The following ADGRV1 variants were observed in gnomAD, a reference collection of about 807,000 sequenced individuals.
ADGRV1 encodes the protein G-protein coupled receptor 98.
A neutral mutation model predicts 596.2 loss-of-function variants in ADGRV1; 359 were observed. The ratio of observed to expected loss-of-function variants is 0.60; its 90% CI spans 0.55 to 0.66. The LOEUF (loss-of-function observed/expected upper bound fraction) is 0.66, where lower values mean the gene tolerates loss of function less well. Among genes scored for constraint, ADGRV1 ranks in the 30% least tolerant of loss-of-function variants. ADGRV1 has a pLI of 0.00. For synonymous variants in ADGRV1, 2,681 were observed against 2,679.2 expected, an observed-to-expected ratio of 1.00 and a Z score of -0.02; for missense variants, 7,274 against 7,575.6, an observed-to-expected ratio of 0.96 and a Z score of 1.48.
chr5:90,787,960 A>G, intron 67 of ADGRV1, 111 bp from the exon 68 acceptor site: 1 of 655,778 alleles, frequency 1.5e-6, no homozygotes, highest in Non-Finnish European at 2.4e-6. Flanking sequence ...TTATCCTAGA[A>G]TAATTTTCCT....
At position 90,756,629 on chromosome 5, in the gene ADGRV1, G is replaced by C; in HGVS notation, c.11756G>C (p.Arg3919Thr). The part of the protein sequence containing the change: ...PRGIFMFHVT[R>T]GAGEVITAYE... ...GGAATTTTTATGTTTCATGTTACTA[G>C]AGTGAGATGAACTTTCATTTGTTTA... Residue 3919 changes from arginine to threonine, a missense_variant and splice_region_variant, in exon 56 of 90, where the codon AGA becomes ACA. By Grantham distance (71) the Arg-to-Thr change is moderately conservative. This residue lies in a region of ADGRV1 where 3,643 missense variants were observed against 3,809.2 expected (regional missense o/e 0.96). Transcript: ENST00000405460. 6.2e-7 allele frequency: 1 copy of C among 1,611,234 alleles called. No individual in the cohort carries two copies. Among genetic ancestry groups the C allele is most frequent in the Non-Finnish European group, 8.5e-7 (1 of 1,177,608 alleles).
chr5:91,021,074 A>G (rs571643792), intron 85 of ADGRV1, among the ~76,000 whole-genome samples: 1 of 152,192 alleles, frequency 6.6e-6, no homozygotes, highest in East Asian at 1.9e-4. Flanking sequence ...TTTAAAGCAA[A>G]TCTTTCCATA....
intron 85 of ADGRV1, among the ~76,000 whole-genome samples, chr5:90,992,939 G>A (rs375116868): frequency 5.9e-5 from 9 of 152,148 alleles, no homozygotes; most frequent in African/African-American, 1.9e-4. Context: ...TATCCAGTGT[G>A]CATACATACT....
Position 90,894,893 on chromosome 5 carries a change from A to G in ADGRV1, c.17856+31036A>G, listed in dbSNP as rs569411619. Among the ~76,000 whole-genome samples the G allele has an allele frequency of 2.6e-5, 4 of 152,228 alleles. No individual in the cohort carries two copies. In the South Asian group the frequency reaches 8.3e-4, roughly 32 times the overall value. ...CTAATTAGATCAATTTTAGCCATTC[A>G]TTACATTAATCAGTATTTATTAAGT... On this transcript the variant is annotated intron_variant, in intron 83 of 89. Transcript: ENST00000405460.
At chr5:91,009,077 CTTCAA>C (rs1278091330) in intron 85 of ADGRV1, among the ~76,000 whole-genome samples, 2 of 152,136 alleles carry the variant, frequency 1.3e-5, no homozygotes, top group Non-Finnish European at 2.9e-5. Flanking sequence ...CTTGCTATCT[CTTCAA>C]TTCATAAAAA....
At chr5:90,633,256 A>G (rs1765731731) in intron 9 of ADGRV1, among the ~76,000 whole-genome samples, 1 of 152,166 alleles carries the variant, frequency 6.6e-6, no homozygotes, top group African/African-American at 2.4e-5. Context: ...TTTCTTTTCC[A>G]TCAGTTCATT....
intron 60 of ADGRV1, among the ~76,000 whole-genome samples, 191 bp downstream of exon 60, chr5:90,774,494 G>T (rs1475515907): frequency 1.3e-5 from 2 of 152,116 alleles, no homozygotes; most frequent in African/African-American, 4.8e-5. Flanking sequence ...TCTTGGTAAG[G>T]TCATAGGTCA....
At chr5:90,921,783 A>G (rs1773893653) in intron 83 of ADGRV1, among the ~76,000 whole-genome samples, 1 of 151,864 alleles carries the variant, frequency 6.6e-6, no homozygotes, top group Admixed American at 6.6e-5. Flanking sequence ...CAAACCCAAT[A>G]AAGTTGTGTC....
At chr5:90,901,211 TA>T in intron 83 of ADGRV1, among the ~76,000 whole-genome samples, 1 of 152,270 alleles carries the variant, frequency 6.6e-6, no homozygotes, top group Middle Eastern at 3.4e-3. Context: ...CATAGGGATT[TA>T]AATAGGATAA....
At chr5:90,674,374 ATGCTAC>A (rs1772937627) in intron 23 of ADGRV1, 140 bp downstream of exon 23, 2 of 483,968 alleles carry the variant, frequency 4.1e-6, no homozygotes, top group African/African-American at 3.9e-5. Context: ...TTTAACTTGT[ATGCTAC>A]TGTTTTGAGA....
chr5:91,128,378 C>T (rs1793943199), intron 87 of ADGRV1, among the ~76,000 whole-genome samples: 1 of 151,696 alleles, frequency 6.6e-6, no homozygotes, highest in South Asian at 2.1e-4. Flanking sequence ...GAGATGTAGC[C>T]CCATCATAAG....
rs60359999 is a variant in ADGRV1, at chr5:90,626,946, G to A, written c.673-265G>A. ...AATCTTTGGAGTTATCTAAGGACCA[G>A]TTAAGGCTGAAAGACATTATACCTG... On this transcript the variant is annotated intron_variant, in intron 6 of 89. Coordinates refer to ENST00000405460, the MANE Select transcript of ADGRV1 (RefSeq NM_032119.4). 0.18 allele frequency among the ~76,000 whole-genome samples: 27,565 copies of A among 152,112 alleles called. 2,682 individuals are homozygous for A. The highest frequency in any genetic ancestry group is 0.4 in the East Asian group (2,081 of 5,166).
chr5:90,854,286 G>A (rs1300927344), intron 81 of ADGRV1, 85 bp downstream of exon 81: 4 of 950,674 alleles, frequency 4.2e-6, no homozygotes, highest in East Asian at 5.3e-5. Flanking sequence ...ACTGAGCATA[G>A]ATGGTGGCCC....
intron 82 of ADGRV1, among the ~76,000 whole-genome samples, chr5:90,859,439 T>C (rs954435646): frequency 5.3e-5 from 8 of 152,100 alleles, no homozygotes; most frequent in Non-Finnish European, 1.2e-4. Flanking sequence ...AATTATTTTA[T>C]TTATTTATTT....
At position 90,685,640 on chromosome 5, in the gene ADGRV1, A is replaced by AAAT. The variant is rs760734145; in HGVS notation, c.6275-138_6275-137insTAA. On this transcript the variant is annotated intron_variant, in intron 28 of 89. Transcript: ENST00000405460. ...TAAATAAATAAATAAATAAATAAAT[A>AAAT]AAATAAATAGTAGAGGGAAAACCCC... The AAAT allele has an allele frequency of 2.8e-4, 76 of 271,834 alleles. 1 individual carries two copies. Among genetic ancestry groups the AAAT allele is most frequent in the Middle Eastern group, 2.3e-3 (2 of 874 alleles). The allele number at this position is 271,834 out of a possible 1,614,324, so 16.8% of individuals were successfully genotyped here.
At chr5:91,103,696 T>G (rs1791594538) in intron 87 of ADGRV1, among the ~76,000 whole-genome samples, 1 of 152,142 alleles carries the variant, frequency 6.6e-6, no homozygotes, top group Non-Finnish European at 1.5e-5. Flanking sequence ...CTGGCTTTTT[T>G]TGAAGGCAGT....
intron 1 of ADGRV1, among the ~76,000 whole-genome samples, chr5:90,606,815 C>T (rs1180483088): frequency 6.6e-6 from 1 of 151,808 alleles, no homozygotes; most frequent in African/African-American, 2.4e-5. Flanking sequence ...CTGGGATTTC[C>T]TTTGATGCTT....
chr5:91,150,826 T>C (rs571168865), intron 88 of ADGRV1, among the ~76,000 whole-genome samples: 20 of 152,372 alleles, frequency 1.3e-4, no homozygotes, highest in South Asian at 8.3e-4. Context: ...CTCTGCATTC[T>C]GTCCACATCA....
Position 90,849,126 on chromosome 5 carries a change from A to G in ADGRV1, c.17204+305A>G, listed in dbSNP as rs1176896089. Among the ~76,000 whole-genome samples the G allele has an allele frequency of 2.0e-5, 3 of 151,822 alleles. No individual in the cohort carries two copies. The East Asian group carries it at 5.8e-4, about 29-fold the overall frequency. On this transcript the variant is annotated intron_variant, in intron 79 of 89. Coordinates refer to ENST00000405460, the MANE Select transcript of ADGRV1 (RefSeq NM_032119.4). Reference sequence around the variant, plus strand: ...AAGATACATTCTGAATAGAAAAAAAAAGAGAGATTACAGCCTTTAGGAGTG... The same window carrying G: ...AAGATACATTCTGAATAGAAAAAAAGAGAGAGATTACAGCCTTTAGGAGTG...
Sources: gnomAD v4.1 joint callset for allele counts (sites outside exome capture counted in the v4.1 genomes callset) on GRCh38, gnomAD v4.1.1 for gene constraint, gnomAD v4.1.1 regional missense constraint, MANE v1.5 for transcripts, NCBI Gene and HGNC (gene_info 2026-07-23, HGNC 2026-07-21) for gene names.